The following GRM8 variants were observed in gnomAD, a reference collection of about 807,000 sequenced individuals.
GRM8 encodes the protein metabotropic glutamate receptor 8.
Under a neutral mutation model 87.2 loss-of-function variants are expected in GRM8, and 47 were observed. That is an observed-to-expected ratio of 0.54 (90% confidence interval 0.43 to 0.69). The LOEUF (loss-of-function observed/expected upper bound fraction) is 0.69, where lower values mean the gene tolerates loss of function less well. Ranked by LOEUF, GRM8 falls within the 30% of genes least tolerant of loss-of-function variation. GRM8 has a pLI of 0.00. For missense variants in GRM8, 1,019 were observed against 1,139.2 expected, an observed-to-expected ratio of 0.89 and a Z score of 1.52; for synonymous variants, 396 against 404.5, an observed-to-expected ratio of 0.98 and a Z score of 0.25.
chr7:126,587,530 A>G (rs1195089904), intron 8 of GRM8, among the ~76,000 whole-genome samples: 2 of 152,170 alleles, frequency 1.3e-5, no homozygotes, highest in Non-Finnish European at 1.5e-5. Flanking sequence ...CTTTGTAGGG[A>G]CAGGGATGAA....
chr7:127,208,509 A>C (rs7784231), intron 2 of GRM8, among the ~76,000 whole-genome samples: 2 of 152,008 alleles, frequency 1.3e-5, no homozygotes, highest in African/African-American at 4.8e-5. Flanking sequence ...TGATTTTTCC[A>C]TGATGAAACT....
At chr7:127,059,156 G>A (rs1039226209) in intron 3 of GRM8, among the ~76,000 whole-genome samples, 1 of 152,048 alleles carries the variant, frequency 6.6e-6, no homozygotes, top group African/African-American at 2.4e-5. Flanking sequence ...CTATAGGGGA[G>A]AGAACATATT....
chr7:126,825,129 G>C (rs1025050270), intron 6 of GRM8, among the ~76,000 whole-genome samples: 1 of 152,076 alleles, frequency 6.6e-6, no homozygotes, highest in Non-Finnish European at 1.5e-5. Context: ...GTGCAGTGGG[G>C]TGACCTCGGC....
chr7:126,944,691 G>C (rs1204555), intron 3 of GRM8, among the ~76,000 whole-genome samples: 112,666 of 152,086 alleles, frequency 0.74, 41,873 homozygotes, highest in East Asian at 0.97. Flanking sequence ...AGCAAAAAGA[G>C]AAACCACAGA....
chr7:126,514,182 T>C (rs2283065), intron 9 of GRM8, among the ~76,000 whole-genome samples: 40,666 of 152,124 alleles, frequency 0.27, 6,703 homozygotes, highest in Middle Eastern at 0.4. Flanking sequence ...AGTCCGCAGA[T>C]GCTGGAGTTG....
At chr7:127,020,447 G>T (rs1003455850) in intron 3 of GRM8, among the ~76,000 whole-genome samples, 3 of 152,036 alleles carry the variant, frequency 2.0e-5, no homozygotes, top group African/African-American at 7.2e-5. Context: ...TCCCCTAGGA[G>T]AGCAGCCAGA....
At chr7:126,761,133 G>A (rs1169432331) in intron 7 of GRM8, among the ~76,000 whole-genome samples, 1 of 151,982 alleles carries the variant, frequency 6.6e-6, no homozygotes, top group Non-Finnish European at 1.5e-5. Context: ...AGGAGGCGGA[G>A]GTTGCAGTGA....
At chr7:126,986,034 C>T (rs991380601) in intron 3 of GRM8, among the ~76,000 whole-genome samples, 2 of 150,830 alleles carry the variant, frequency 1.3e-5, no homozygotes, top group African/African-American at 2.4e-5. Flanking sequence ...TTTTTTTAGA[C>T]AGGGTCTTGT....
intron 9 of GRM8, among the ~76,000 whole-genome samples, chr7:126,472,204 G>T (rs1369940484): frequency 2.0e-5 from 3 of 152,110 alleles, no homozygotes; most frequent in Admixed American, 6.6e-5. Flanking sequence ...AATTGCTCTG[G>T]CCAGAACTTC....
chr7:126,685,580 G>A lies in GRM8; in HGVS notation c.1358-76082C>T, dbSNP rs1473674979. Among the ~76,000 whole-genome samples, 2 of 152,156 alleles carry A rather than the reference G, an allele frequency of 1.3e-5. No homozygotes were observed. The highest frequency in any genetic ancestry group is 1.9e-4 in the East Asian group (1 of 5,152). ...AGTGTATGCTCTGATCTTGGAGTAA[G>A]GTTGGGGCCAAGCCTGAGCACTGTT... On this transcript the variant is annotated intron_variant, in intron 7 of 10. Transcript: ENST00000339582. The surrounding 1 kb of genome is among the most constrained non-coding windows in gnomAD (Gnocchi z 4.2).
intron 8 of GRM8, among the ~76,000 whole-genome samples, chr7:126,561,213 C>A (rs1485461638): frequency 6.6e-6 from 1 of 152,158 alleles, no homozygotes; most frequent in Non-Finnish European, 1.5e-5. Context: ...TGGCTCACAC[C>A]TGTAGTCCCA....
At chr7:127,174,211 A>G (rs1793969416) in intron 2 of GRM8, among the ~76,000 whole-genome samples, 1 of 152,204 alleles carries the variant, frequency 6.6e-6, no homozygotes, top group African/African-American at 2.4e-5. Flanking sequence ...TTTCACTGTC[A>G]TAACTGAACA....
intron 8 of GRM8, among the ~76,000 whole-genome samples, chr7:126,578,343 A>T (rs1795294510): frequency 6.6e-6 from 1 of 152,194 alleles, no homozygotes; most frequent in Non-Finnish European, 1.5e-5. Context: ...AGCATCCTAA[A>T]GATCGAATGG....
At chr7:126,463,465 G>A (rs1374890889) in intron 9 of GRM8, among the ~76,000 whole-genome samples, 6 of 151,542 alleles carry the variant, frequency 4.0e-5, no homozygotes, top group South Asian at 2.1e-4. Context: ...GGATTGTAAC[G>A]ATTGACCTTG....
intron 3 of GRM8, among the ~76,000 whole-genome samples, chr7:126,967,565 C>T (rs1161079779): frequency 2.0e-5 from 3 of 150,600 alleles, no homozygotes; most frequent in Admixed American, 6.6e-5. Flanking sequence ...AAAAAAAGTA[C>T]AGCACTCTCA....
At chr7:126,891,110 A>G (rs1388932859) in intron 6 of GRM8, among the ~76,000 whole-genome samples, 1 of 151,992 alleles carries the variant, frequency 6.6e-6, no homozygotes, top group African/African-American at 2.4e-5. Flanking sequence ...TTATATCAGG[A>G]ATGCTCTTTC....
chr7:126,652,159 A>C (rs1289710715), intron 7 of GRM8, among the ~76,000 whole-genome samples: 1 of 152,104 alleles, frequency 6.6e-6, no homozygotes, highest in Non-Finnish European at 1.5e-5. Flanking sequence ...TTTTCTTTTA[A>C]CATGTGACAT....
At chr7:126,558,428 G>A (rs1793370403) in intron 8 of GRM8, among the ~76,000 whole-genome samples, 2 of 152,050 alleles carry the variant, frequency 1.3e-5, no homozygotes, top group African/African-American at 2.4e-5. Context: ...CTCAATCTAG[G>A]TAGCTTAACC....
intron 6 of GRM8, among the ~76,000 whole-genome samples, chr7:126,798,191 C>T (rs1822205274): frequency 6.6e-6 from 1 of 151,740 alleles, no homozygotes; most frequent in Non-Finnish European, 1.5e-5. Context: ...GTGTAGTGTG[C>T]ATTACCTTCA....
Sources: gnomAD v4.1 joint callset for allele counts (sites outside exome capture counted in the v4.1 genomes callset) on GRCh38, gnomAD v4.1.1 for gene constraint, Gnocchi (gnomAD v3.1) non-coding constraint, MANE v1.5 for transcripts, NCBI Gene and HGNC (gene_info 2026-07-23, HGNC 2026-07-21) for gene names.